HELLS: variants seen among roughly 807,000 people sequenced by gnomAD.
HELLS encodes lymphoid-specific helicase.
HELLS carries 32 observed loss-of-function variants against 120.0 expected under a neutral mutation model. The ratio of observed to expected loss-of-function variants is 0.27; its 90% CI spans 0.20 to 0.36. The LOEUF (loss-of-function observed/expected upper bound fraction) is 0.36, where lower values mean the gene tolerates loss of function less well. HELLS is among the 10% of genes least tolerant of loss of function. The probability of loss-of-function intolerance (pLI) is 1.00; values close to 1 mark genes in which losing one functional copy is unlikely to be tolerated. For missense variants in HELLS, 650 were observed against 993.4 expected (o/e 0.65, Z 4.65); for synonymous variants, 341 against 323.4 (o/e 1.05, Z -0.58).
chr10:94,569,558 A>C (rs1436232647), intron 6 of HELLS: 2 of 151,958 alleles, frequency 1.3e-5, no homozygotes, highest in Non-Finnish European at 2.9e-5. Flanking sequence ...TTAATATTTA[A>C]ATTTCTCAAT....
At chr10:94,588,453 T>G in intron 13 of HELLS, 63 bp downstream of exon 13, 1 of 1,026,324 alleles carries the variant, frequency 9.7e-7, no homozygotes, top group Non-Finnish European at 1.3e-6. Context: ...CTTTTTTCCC[T>G]TTTTTTTTGA....
chr10:94,578,007 G>A (rs374756493), intron 10 of HELLS, among the ~76,000 whole-genome samples: 1 of 149,310 alleles, frequency 6.7e-6, no homozygotes, highest in Non-Finnish European at 1.5e-5. Context: ...AGCTTGCAGT[G>A]AGCCGAGATT....
At chr10:94,600,888 A>G (rs1176850889) in intron 21 of HELLS, among the ~76,000 whole-genome samples, 1 of 152,216 alleles carries the variant, frequency 6.6e-6, no homozygotes, top group East Asian at 1.9e-4. Context: ...GACAAACCAC[A>G]AATAATATTT....
chr10:94,574,685 T>C lies in HELLS; in HGVS notation c.837T>C (p.Pro279=), dbSNP rs1342245205. 3.7e-6 allele frequency: 6 copies of C among 1,613,716 alleles called. No homozygotes were observed. The highest frequency in any genetic ancestry group is 5.1e-6 in the Non-Finnish European group (6 of 1,179,822). ...CAGGACCTTTTCTTGTCTGTGGCCC[T>C]TTGTCTACACTTCCTAACTGGATGG... ...GVPGPFLVCG[P]LSTLPNWMAE... Residue 279 remains proline, a synonymous_variant, in exon 9 of 22, where the codon CCT becomes CCC. Transcript: ENST00000348459.
intron 6 of HELLS, chr10:94,571,075 A>G (rs1344641440): frequency 1.0e-5 from 2 of 200,702 alleles, no homozygotes; most frequent in South Asian, 1.0e-4. Flanking sequence ...TGCTGACCCC[A>G]GGACTAGAGG....
chr10:94,606,679 T>C (rs189146090), downstream of HELLS, among the ~76,000 whole-genome samples: 3 of 152,352 alleles, frequency 2.0e-5, no homozygotes, highest in Non-Finnish European at 4.4e-5. Context: ...ACAAAATTTC[T>C]TTCCCCCATC....
At chr10:94,551,342 A>G (rs1842972530) in intron 2 of HELLS, among the ~76,000 whole-genome samples, 1 of 152,104 alleles carries the variant, frequency 6.6e-6, no homozygotes, top group Non-Finnish European at 1.5e-5. Flanking sequence ...AGGCTGAGGC[A>G]GGTGGACCAC....
intron 21 of HELLS, among the ~76,000 whole-genome samples, chr10:94,600,794 A>AAT (rs1172020027): frequency 6.6e-6 from 1 of 152,208 alleles, no homozygotes; most frequent in Admixed American, 6.5e-5. Context: ...CAGAAATCAC[A>AAT]AATTATATGA....
intron 10 of HELLS, among the ~76,000 whole-genome samples, chr10:94,577,923 C>T (rs935945650): frequency 2.0e-5 from 3 of 151,954 alleles, no homozygotes; most frequent in Non-Finnish European, 4.4e-5. Flanking sequence ...ATTAGCCGGG[C>T]GCGGTGGCGG....
In HELLS at chr10:94,557,519, C is replaced by T. The variant is rs76999769; in HGVS notation, c.277-620C>T. Among the ~76,000 whole-genome samples the T allele has an allele frequency of 8.5e-3, 1,294 of 152,130 alleles. 17 individuals are homozygous for T. Among genetic ancestry groups the T allele is most frequent in the African/African-American group, 0.03 (1,239 of 41,498 alleles). On this transcript the variant is annotated intron_variant, in intron 3 of 21. Coordinates refer to ENST00000348459, the MANE Select transcript of HELLS (RefSeq NM_018063.5). ...CTTTTCTGAGCACTCTACTTGATGC[C>T]CTTTATATTAAGAGGACTTTCTACT...
rs917741103 is a variant in HELLS at position 94,553,623 on chromosome 10, T to C, written c.154-503T>C. Among the ~76,000 whole-genome samples, 45 of 144,418 alleles carry C rather than the reference T, an allele frequency of 3.1e-4. 1 individual carries two copies. Among genetic ancestry groups the C allele is most frequent in the Non-Finnish European group, 5.7e-4 (38 of 66,888 alleles). The allele number at this position is 144,418 out of a possible 152,430, so 94.7% of individuals were successfully genotyped here. On this transcript the variant is annotated intron_variant, in intron 2 of 21. Transcript: ENST00000348459. ...GTGCAGTGGCATGATCTCGGCTCACTGCAGCCTCTGCCTCCCCCGGGTTCA... is the reference window on the plus strand; with the variant it reads ...GTGCAGTGGCATGATCTCGGCTCACCGCAGCCTCTGCCTCCCCCGGGTTCA...
chr10:94,549,084 G>A (rs746426018), intron 2 of HELLS, among the ~76,000 whole-genome samples: 1 of 152,020 alleles, frequency 6.6e-6, no homozygotes, highest in South Asian at 2.1e-4. Context: ...ACATTGTCTT[G>A]TTATGTACAG....
At chr10:94,609,011 C>CT (rs71031590) in intron 9 of HELLS, among the ~76,000 whole-genome samples, 3,528 of 68,126 alleles carry the variant, frequency 0.052, 873 homozygotes, top group Non-Finnish European at 0.073. Context: ...GTATCCACCT[C>CT]TTTTTTTTTT....
At chr10:94,609,242 C>G (rs185614497) in intron 9 of HELLS, among the ~76,000 whole-genome samples, 1 of 152,064 alleles carries the variant, frequency 6.6e-6, no homozygotes, top group East Asian at 1.9e-4. Context: ...AGGCTAGTCT[C>G]GAACTCCTGA....
intron 12 of HELLS, among the ~76,000 whole-genome samples, chr10:94,586,883 C>G (rs1309647468): frequency 1.3e-5 from 2 of 151,828 alleles, no homozygotes; most frequent in Admixed American, 1.3e-4. Context: ...TTAGTAGAGA[C>G]GGGATTTCAC....
Position 94,590,753 on chromosome 10 carries a change from G to T in HELLS, c.1744G>T (p.Asp582Tyr), listed in dbSNP as rs1158297413. ...TCCATATTTGATTGAATATCCTATA[G>T]ACCCTGTTACACAAGAATTTAAGGT... ...NHPYLIEYPI[D>Y]PVTQEFKIDE... The change falls in exon 15 of 22, where the codon GAC becomes TAC. Residue 582 changes from aspartate to tyrosine, a missense_variant. This residue lies in a region of HELLS where 191 missense variants were observed against 259.7 expected (regional missense o/e 0.74). Transcript: ENST00000348459. 2 of 1,554,924 alleles carry T rather than the reference G, an allele frequency of 1.3e-6. No individual in the cohort carries two copies. Among genetic ancestry groups the T allele is most frequent in the South Asian group, 1.2e-5 (1 of 86,684 alleles).
At chr10:94,578,717 C>G (rs1295954307) in intron 10 of HELLS, among the ~76,000 whole-genome samples, 1 of 152,142 alleles carries the variant, frequency 6.6e-6, no homozygotes, top group Admixed American at 6.5e-5. Flanking sequence ...TACAACTCAA[C>G]ATAACGTAGA....
In HELLS at chr10:94,598,615, T is replaced by G. The variant is rs535421377; in HGVS notation, c.2422+1504T>G. On this transcript the variant is annotated intron_variant, in intron 21 of 21. Transcript: ENST00000348459. ...AATATATTGGTTGGAAGTTTTTTTT[T>G]TTTTTTTTTTAATCAGATGTATTTT... is the stretch of plus-strand genomic sequence containing the variant. 1.2e-4 allele frequency among the ~76,000 whole-genome samples: 18 copies of G among 152,004 alleles called. No individual in the cohort carries two copies. The South Asian group carries it at 1.2e-3, about 11-fold the overall frequency.
At chr10:94,598,270 G>A (rs997819175) in intron 21 of HELLS, among the ~76,000 whole-genome samples, 1 of 152,024 alleles carries the variant, frequency 6.6e-6, no homozygotes, top group Non-Finnish European at 1.5e-5. Context: ...TTCATATCAC[G>A]GATACAGGCA....
Sources: gnomAD v4.1 joint callset for allele counts (sites outside exome capture counted in the v4.1 genomes callset) on GRCh38, gnomAD v4.1.1 for gene constraint, gnomAD v4.1.1 regional missense constraint, MANE v1.5 for transcripts, NCBI Gene and HGNC (gene_info 2026-07-23, HGNC 2026-07-21) for gene names.